The following DLG2 variants were observed in gnomAD, a reference collection of about 807,000 sequenced individuals.
DLG2 encodes the protein discs large MAGUK scaffold protein 2, also known as disks large homolog 2.
Under a neutral mutation model 132.5 loss-of-function variants are expected in DLG2, and 45 were observed. The ratio of observed to expected loss-of-function variants is 0.34; its 90% CI spans 0.27 to 0.44. The LOEUF (loss-of-function observed/expected upper bound fraction) is 0.44, where lower values mean the gene tolerates loss of function less well. DLG2 is among the 20% of genes least tolerant of loss of function. The probability of loss-of-function intolerance (pLI) is 1.00; values close to 1 mark genes in which losing one functional copy is unlikely to be tolerated. For synonymous variants in DLG2, 424 were observed against 419.6 expected (o/e 1.01, Z -0.13); for missense variants, 1,045 against 1,196.9 (o/e 0.87, Z 1.87).
chr11:84,099,467 T>C (rs2092212830), intron 9 of DLG2, among the ~76,000 whole-genome samples: 1 of 152,044 alleles, frequency 6.6e-6, no homozygotes, highest in South Asian at 2.1e-4. Flanking sequence ...GGGTGTTTCA[T>C]TTTCTTATTT....
chr11:85,035,606 G>A (rs2061373362), intron 6 of DLG2, among the ~76,000 whole-genome samples: 2 of 152,042 alleles, frequency 1.3e-5, no homozygotes, highest in Admixed American at 6.6e-5. Context: ...TTGACACGTG[G>A]GTATTACGGT....
chr11:85,599,994 T>C (rs947182920), intron 2 of DLG2, among the ~76,000 whole-genome samples: 1 of 152,206 alleles, frequency 6.6e-6, no homozygotes. Context: ...CAATAGCTTA[T>C]ATTTATTTTC....
At chr11:84,954,021 G>A (rs552425631) in intron 6 of DLG2, among the ~76,000 whole-genome samples, 1 of 152,064 alleles carries the variant, frequency 6.6e-6, no homozygotes, top group South Asian at 2.1e-4. Flanking sequence ...TATCCTGTAT[G>A]AACCATTATC....
At chr11:85,291,667 C>G (rs1329735838) in intron 3 of DLG2, among the ~76,000 whole-genome samples, 1 of 149,274 alleles carries the variant, frequency 6.7e-6, no homozygotes, top group Non-Finnish European at 1.5e-5. Context: ...TCACTGCAAT[C>G]TCCGCCTCCA....
chr11:83,653,666 A>C (rs2071346497), intron 18 of DLG2, among the ~76,000 whole-genome samples: 1 of 152,246 alleles, frequency 6.6e-6, no homozygotes, highest in Non-Finnish European at 1.5e-5. Flanking sequence ...TCTGTTGATA[A>C]AGTGACCGCA....
chr11:83,487,020 G>T (rs1039601693), intron 21 of DLG2, among the ~76,000 whole-genome samples: 2 of 150,884 alleles, frequency 1.3e-5, no homozygotes, highest in African/African-American at 4.9e-5. Flanking sequence ...TCTGTTACAC[G>T]AGTGCTAGGT....
intron 7 of DLG2, among the ~76,000 whole-genome samples, chr11:84,532,287 A>G (rs924243404): frequency 6.6e-6 from 1 of 152,080 alleles, no homozygotes; most frequent in Non-Finnish European, 1.5e-5. Flanking sequence ...CAAAAGATGC[A>G]CTTATTTCAA....
intron 11 of DLG2, among the ~76,000 whole-genome samples, chr11:84,053,671 G>A (rs1179467335): frequency 6.6e-6 from 1 of 151,964 alleles, no homozygotes; most frequent in Non-Finnish European, 1.5e-5. Context: ...TTTTGCAGAT[G>A]CGGAAAGTGA....
chr11:84,199,858 A>G (rs1213416894), intron 8 of DLG2, among the ~76,000 whole-genome samples: 1 of 152,098 alleles, frequency 6.6e-6, no homozygotes, highest in East Asian at 1.9e-4. Flanking sequence ...GAAAAGAAAA[A>G]GTGGGAAAGA....
intron 3 of DLG2, among the ~76,000 whole-genome samples, chr11:85,409,581 G>A (rs2089126256): frequency 6.6e-6 from 1 of 151,836 alleles, no homozygotes. Context: ...AAGAGTTTTA[G>A]CATTTGTATT....
chr11:83,827,783 C>T (rs572790713), intron 17 of DLG2, among the ~76,000 whole-genome samples: 14 of 152,280 alleles, frequency 9.2e-5, no homozygotes, highest in Non-Finnish European at 2.1e-4. Flanking sequence ...GCATTTCTAG[C>T]TTTCCTTCTG....
At chr11:84,111,503 C>G (rs1293605669) in intron 9 of DLG2, among the ~76,000 whole-genome samples, 2 of 152,176 alleles carry the variant, frequency 1.3e-5, no homozygotes, top group East Asian at 1.9e-4. Context: ...TGCCCATTGA[C>G]AGCAAATGCT....
intron 6 of DLG2, among the ~76,000 whole-genome samples, chr11:84,571,339 TTC>T (rs1156846532): frequency 6.6e-6 from 1 of 152,000 alleles, no homozygotes; most frequent in African/African-American, 2.4e-5. Context: ...TCTCTTTCTT[TTC>T]TTTCTCCTTC....
chr11:84,891,240 T>C (rs189192768), intron 6 of DLG2, among the ~76,000 whole-genome samples: 2 of 152,134 alleles, frequency 1.3e-5, no homozygotes, highest in African/African-American at 2.4e-5. Context: ...CACAGACACA[T>C]GTACAGCATA....
At chr11:84,322,315 C>A (rs565093869) in intron 7 of DLG2, among the ~76,000 whole-genome samples, 1 of 152,290 alleles carries the variant, frequency 6.6e-6, no homozygotes, top group Admixed American at 6.5e-5. Flanking sequence ...TGTATGAACT[C>A]ATTTTTCAAA....
At chr11:85,247,448 C>A (rs2076192978) in intron 4 of DLG2, among the ~76,000 whole-genome samples, 1 of 151,938 alleles carries the variant, frequency 6.6e-6, no homozygotes, top group African/African-American at 2.4e-5. Flanking sequence ...CCATTCTATC[C>A]AAAATTACAA....
At chr11:84,549,193 C>A (rs765292896) in intron 6 of DLG2, among the ~76,000 whole-genome samples, 4 of 152,168 alleles carry the variant, frequency 2.6e-5, no homozygotes, top group Non-Finnish European at 5.9e-5. Flanking sequence ...TGGAGAGGAC[C>A]AGGCTTTAAG....
At chr11:83,787,543 G>A (rs1344337613) in intron 17 of DLG2, among the ~76,000 whole-genome samples, 1 of 151,548 alleles carries the variant, frequency 6.6e-6, no homozygotes, top group Non-Finnish European at 1.5e-5. Context: ...GGATGGTCTC[G>A]ATCTCCTGAC....
At chr11:84,071,916 C>T (rs1440317088) in intron 10 of DLG2, among the ~76,000 whole-genome samples, 3 of 152,184 alleles carry the variant, frequency 2.0e-5, no homozygotes, top group Admixed American at 6.5e-5. Context: ...CTGCCTCATT[C>T]GTGACCCTTC....
Sources: gnomAD v4.1 joint callset for allele counts (sites outside exome capture counted in the v4.1 genomes callset) on GRCh38, gnomAD v4.1.1 for gene constraint, MANE v1.5 for transcripts, NCBI Gene and HGNC (gene_info 2026-07-23, HGNC 2026-07-21) for gene names.